CHRM3: variants seen among roughly 807,000 people sequenced by gnomAD.
The protein encoded by CHRM3 is muscarinic acetylcholine receptor M3.
Under a neutral mutation model 41.8 loss-of-function variants are expected in CHRM3, and 11 were observed. The observed-to-expected ratio is 0.26, with a 90% CI of 0.17 to 0.44. CHRM3 has a LOEUF of 0.44. Among genes scored for constraint, CHRM3 ranks in the 20% least tolerant of loss-of-function variants. The pLI is 1.00. For synonymous variants in CHRM3, 297 were observed against 301.4 expected (o/e 0.99, Z 0.15); for missense variants, 571 against 745.4 (o/e 0.77, Z 2.72).
At chr1:239,805,621 GT>G (rs1400625102) in intron 5 of CHRM3, among the ~76,000 whole-genome samples, 1 of 147,868 alleles carries the variant, frequency 6.8e-6, no homozygotes, top group African/African-American at 2.6e-5. Context: ...TAGGAGGCAG[GT>G]GGGGTGAATG....
At chr1:239,690,370 C>A (rs1558457941) in intron 5 of CHRM3, among the ~76,000 whole-genome samples, 1 of 151,996 alleles carries the variant, frequency 6.6e-6, no homozygotes, top group Non-Finnish European at 1.5e-5. Context: ...CAGGCGTGCA[C>A]CACCACGCCC....
chr1:239,568,267 C>A (rs1019384956), intron 3 of CHRM3, among the ~76,000 whole-genome samples: 5 of 152,152 alleles, frequency 3.3e-5, no homozygotes, highest in African/African-American at 1.2e-4. Flanking sequence ...ATAATTCCCA[C>A]CTGTTACGGG....
At chr1:239,493,437 C>A (rs975486211) in intron 2 of CHRM3, among the ~76,000 whole-genome samples, 8 of 152,234 alleles carry the variant, frequency 5.3e-5, no homozygotes, top group African/African-American at 1.9e-4. Context: ...AATTATACAT[C>A]CTTTACTAAA....
At chr1:239,568,633 G>GA (rs1558326308) in intron 3 of CHRM3, among the ~76,000 whole-genome samples, 1 of 151,928 alleles carries the variant, frequency 6.6e-6, no homozygotes, top group African/African-American at 2.4e-5. Flanking sequence ...GTGAATAGAA[G>GA]AAAAAATTAG....
chr1:239,427,451 A>G (rs753041725), intron 1 of CHRM3, among the ~76,000 whole-genome samples: 1 of 152,076 alleles, frequency 6.6e-6, no homozygotes, highest in Non-Finnish European at 1.5e-5. Context: ...TAGCCTCAGT[A>G]GAGGAACTTA....
rs1001825977 is a variant in CHRM3 at position 239,410,454 on chromosome 1, T to G, written c.-521+23227T>G. Among the ~76,000 whole-genome samples the G allele has an allele frequency of 6.2e-4, 94 of 152,294 alleles. 1 individual carries two copies. The highest frequency in any genetic ancestry group is 2.2e-3 in the African/African-American group (91 of 41,560). On this transcript the variant is annotated intron_variant, in intron 1 of 6. Coordinates refer to ENST00000676153, the MANE Select transcript of CHRM3 (RefSeq NM_001375978.1). Reference sequence around the variant, plus strand: ...ACCATTGCAAAATCCAAAATGTTTTTCACCCTCTAAGAACCCATTTTCAAG... The same window carrying G: ...ACCATTGCAAAATCCAAAATGTTTTGCACCCTCTAAGAACCCATTTTCAAG...
In CHRM3 at chr1:239,693,024, A is replaced by T. The variant is rs113051062; in HGVS notation, c.-147+14736A>T. ...GTACATCTTAAGTGCATTTAGGAGT[A>T]AGAAACCAGATCACGTGCAGTGTTT... On this transcript the variant is annotated intron_variant, in intron 5 of 6. Transcript: ENST00000676153. 7.6e-4 allele frequency among the ~76,000 whole-genome samples: 116 copies of T among 152,282 alleles called. 1 individual carries two copies. Among genetic ancestry groups the T allele is most frequent in the African/African-American group, 2.7e-3 (113 of 41,564 alleles).
intron 6 of CHRM3, among the ~76,000 whole-genome samples, chr1:239,855,899 G>A (rs1056764368): frequency 5.9e-5 from 9 of 152,074 alleles, no homozygotes; most frequent in Admixed American, 1.3e-4. Context: ...ACATCTATAT[G>A]CTTTCACCTA....
At chr1:239,523,102 T>C (rs1362279689) in intron 2 of CHRM3, among the ~76,000 whole-genome samples, 1 of 151,830 alleles carries the variant, frequency 6.6e-6, no homozygotes, top group African/African-American at 2.4e-5. Flanking sequence ...GAAACAGTAG[T>C]GAAAAAAAGA....
At chr1:239,719,527 C>T (rs890487197) in intron 5 of CHRM3, 2 of 151,900 alleles carry the variant, frequency 1.3e-5, no homozygotes, top group African/African-American at 4.8e-5. Flanking sequence ...GTAATTCTGA[C>T]CATTTCATCT....
intron 2 of CHRM3, among the ~76,000 whole-genome samples, chr1:239,543,923 A>T (rs760686132): frequency 1.2e-4 from 19 of 152,342 alleles, no homozygotes; most frequent in South Asian, 6.2e-4. Flanking sequence ...GCCAGAGACG[A>T]TATGTAAATG....
intron 6 of CHRM3, among the ~76,000 whole-genome samples, chr1:239,884,628 G>A (rs759281195): frequency 6.6e-6 from 1 of 152,188 alleles, no homozygotes; most frequent in Non-Finnish European, 1.5e-5. Context: ...CACCTCTGCT[G>A]TATAAACATG....
chr1:239,862,617 A>G (rs936852303), intron 6 of CHRM3, among the ~76,000 whole-genome samples: 3 of 152,206 alleles, frequency 2.0e-5, no homozygotes, highest in African/African-American at 7.2e-5. Context: ...AATTAAATGT[A>G]CTGTTTTGAT....
At chr1:239,526,054 G>T (rs1385543730) in intron 2 of CHRM3, among the ~76,000 whole-genome samples, 1 of 152,152 alleles carries the variant, frequency 6.6e-6, no homozygotes, top group African/African-American at 2.4e-5. Flanking sequence ...TGGGTGTGAT[G>T]GGAGATTGGA....
At chr1:239,790,692 G>A (rs189911274) in intron 5 of CHRM3, among the ~76,000 whole-genome samples, 122 of 152,292 alleles carry the variant, frequency 8.0e-4, no homozygotes, top group African/African-American at 2.8e-3. Context: ...GGAAACCTAG[G>A]CAGAGAATCA....
At position 239,617,254 on chromosome 1, in the gene CHRM3, A is replaced by G. The variant is rs1667733361; in HGVS notation, c.-312-14970A>G. Among the ~76,000 whole-genome samples the G allele has an allele frequency of 2.0e-5, 3 of 152,210 alleles. No individual in the cohort carries two copies. The South Asian group carries it at 6.2e-4, about 32-fold the overall frequency. On this transcript the variant is annotated intron_variant, in intron 3 of 6. Transcript: ENST00000676153. ...AACTTTCCAAATTTATTTGAACACC[A>G]TATCTCTTTCTCGAATATTGTGGAG...
At chr1:239,663,782 A>G (rs1181516317) in intron 4 of CHRM3, among the ~76,000 whole-genome samples, 1 of 152,220 alleles carries the variant, frequency 6.6e-6, no homozygotes, top group Non-Finnish European at 1.5e-5. Context: ...TTAAAAATAC[A>G]TATTCCTGGG....
At chr1:239,423,127 A>C (rs1662087235) in intron 1 of CHRM3, among the ~76,000 whole-genome samples, 1 of 152,210 alleles carries the variant, frequency 6.6e-6, no homozygotes, top group Non-Finnish European at 1.5e-5. Flanking sequence ...TGTCAGAAGC[A>C]TGTGCACAGT....
At chr1:239,723,943 T>C (rs1341597457) in intron 5 of CHRM3, among the ~76,000 whole-genome samples, 1 of 151,846 alleles carries the variant, frequency 6.6e-6, no homozygotes, top group East Asian at 1.9e-4. Flanking sequence ...CCACAAAAAG[T>C]AGGGAAACAA....
Sources: allele counts gnomAD v4.1 joint callset (sites outside exome capture counted in the v4.1 genomes callset), GRCh38; gene constraint gnomAD v4.1.1; transcripts MANE v1.5; gene names NCBI Gene and HGNC (gene_info 2026-07-23, HGNC 2026-07-21).